Variants in LYPD6 observed in about 807,000 individuals in gnomAD.
LYPD6 encodes LY6/PLAUR domain containing 6.
In LYPD6, 15 loss-of-function variants were observed where a neutral mutation model predicts 22.7. The ratio of observed to expected loss-of-function variants is 0.66; its 90% CI spans 0.44 to 1.02. The LOEUF is 1.02. Ranked by LOEUF, LYPD6 falls within the 50% of genes least tolerant of loss-of-function variation. LYPD6 has a pLI of 0.00. For synonymous variants in LYPD6, 72 were observed against 77.5 expected (o/e 0.93, Z 0.37); for missense variants, 189 against 208.4 (o/e 0.91, Z 0.57).
chr2:149,472,458 C>T lies in LYPD6; in HGVS notation c.*1608C>T, dbSNP rs1446392203. 6.6e-6 allele frequency: 1 copy of T among 152,586 alleles called. No individual in the cohort carries two copies. The highest frequency in any genetic ancestry group is 1.5e-5 in the Non-Finnish European group (1 of 68,034). The allele number at this position is 152,586 out of a possible 1,614,324, so 9.5% of individuals were successfully genotyped here. ...TAAAGAGGACAGTGTTGTCAGGGTCCATCTGCCCTCCATAGAAAAATGTCT... is the reference window on the plus strand; with the variant it reads ...TAAAGAGGACAGTGTTGTCAGGGTCTATCTGCCCTCCATAGAAAAATGTCT... On this transcript the variant is annotated 3_prime_UTR_variant, in exon 5 of 5. Transcript: ENST00000334166.
the LYPD6 span, among the ~76,000 whole-genome samples, chr2:149,485,563 A>G: frequency 6.6e-6 from 1 of 152,104 alleles, no homozygotes; most frequent in Non-Finnish European, 1.5e-5. Flanking sequence ...AGCTGTCAGC[A>G]TATGTGGACC....
chr2:149,451,833 A>G (rs1280242635), intron 3 of LYPD6, among the ~76,000 whole-genome samples: 2 of 152,206 alleles, frequency 1.3e-5, no homozygotes, highest in Non-Finnish European at 2.9e-5. Flanking sequence ...GGGAATTACA[A>G]AGTGAAAGAT....
intron 1 of LYPD6, among the ~76,000 whole-genome samples, chr2:149,400,352 A>C (rs1682525788): frequency 6.6e-6 from 1 of 152,190 alleles, no homozygotes; most frequent in African/African-American, 2.4e-5. Flanking sequence ...TACCTAGCAA[A>C]CGGAAAGCAA....
chr2:149,374,020 T>C (rs1168786606), intron 1 of LYPD6, among the ~76,000 whole-genome samples: 1 of 152,164 alleles, frequency 6.6e-6, no homozygotes, highest in Non-Finnish European at 1.5e-5. Context: ...AACTGCATGA[T>C]AATTGATTCA....
At chr2:149,352,289 G>A (rs1159859601) in intron 1 of LYPD6, among the ~76,000 whole-genome samples, 1 of 152,148 alleles carries the variant, frequency 6.6e-6, no homozygotes, top group Non-Finnish European at 1.5e-5. Context: ...TACTCTCTGG[G>A]GCTCCGGAAG....
chr2:149,425,546 CA>C (rs1429978628), intron 1 of LYPD6, among the ~76,000 whole-genome samples: 2 of 152,124 alleles, frequency 1.3e-5, no homozygotes, highest in Non-Finnish European at 2.9e-5. Flanking sequence ...GATGCAAAAA[CA>C]AAAATGTTCT....
At chr2:149,342,840 A>G (rs1681187528) in intron 1 of LYPD6, among the ~76,000 whole-genome samples, 1 of 152,182 alleles carries the variant, frequency 6.6e-6, no homozygotes, top group African/African-American at 2.4e-5. Context: ...TAAATGACTC[A>G]GGTTTGAACT....
At chr2:149,435,191 C>T (rs1683403073) in intron 1 of LYPD6, among the ~76,000 whole-genome samples, 1 of 152,188 alleles carries the variant, frequency 6.6e-6, no homozygotes, top group African/African-American at 2.4e-5. Flanking sequence ...GCCTTGCCGA[C>T]ACCTTGATCT....
At chr2:149,347,419 C>G (rs1406857064) in intron 1 of LYPD6, among the ~76,000 whole-genome samples, 1 of 152,126 alleles carries the variant, frequency 6.6e-6, no homozygotes, top group African/African-American at 2.4e-5. Context: ...GGCTCCTCAT[C>G]TCTCTCTGGC....
At chr2:149,411,455 G>T (rs1029335827) in intron 1 of LYPD6, among the ~76,000 whole-genome samples, 1 of 152,014 alleles carries the variant, frequency 6.6e-6, no homozygotes, top group Admixed American at 6.5e-5. Context: ...CATTTGCCTG[G>T]GCTTTTTATT....
At chr2:149,442,309 A>T (rs1324763005) in intron 2 of LYPD6, among the ~76,000 whole-genome samples, 1 of 152,174 alleles carries the variant, frequency 6.6e-6, no homozygotes, top group African/African-American at 2.4e-5. Context: ...GTTCCAAGAG[A>T]TGGAAACAAA....
At chr2:149,438,870 T>G (rs1192147293) in intron 2 of LYPD6, among the ~76,000 whole-genome samples, 1 of 152,210 alleles carries the variant, frequency 6.6e-6, no homozygotes, top group Non-Finnish European at 1.5e-5. Flanking sequence ...CTTTGTGGCC[T>G]TTTGACTTAA....
chr2:149,477,483 C>T (rs539753790), downstream of LYPD6, among the ~76,000 whole-genome samples: 28 of 152,042 alleles, frequency 1.8e-4, no homozygotes, highest in East Asian at 1.2e-3. Flanking sequence ...ATTAGCCAGA[C>T]GTGGTGGCAC....
At chr2:149,476,772 C>A (rs967534959), downstream of LYPD6, among the ~76,000 whole-genome samples, 1 of 152,176 alleles carries the variant, frequency 6.6e-6, no homozygotes, top group African/African-American at 2.4e-5. Context: ...GGAATTTGCA[C>A]CCGGAGTCTG....
chr2:149,427,565 C>T (rs1683211904), intron 1 of LYPD6, among the ~76,000 whole-genome samples: 1 of 152,188 alleles, frequency 6.6e-6, no homozygotes, highest in African/African-American at 2.4e-5. Flanking sequence ...AGCACACAGC[C>T]AACAAGCTGA....
chr2:149,398,058 T>A (rs1335357083), intron 1 of LYPD6, among the ~76,000 whole-genome samples: 1 of 152,188 alleles, frequency 6.6e-6, no homozygotes, highest in Admixed American at 6.5e-5. Flanking sequence ...CATTACAAGA[T>A]AAACATGTAA....
chr2:149,437,903 G>T, intron 2 of LYPD6, 77 bp downstream of exon 2: 2 of 1,521,594 alleles, frequency 1.3e-6, no homozygotes, highest in East Asian at 2.3e-5. Flanking sequence ...CCAGGAAAAG[G>T]CATCCTTCAG....
Position 149,411,078 on chromosome 2 carries a change from C to T in LYPD6, c.-71-26560C>T, listed in dbSNP as rs375290629. On this transcript the variant is annotated intron_variant, in intron 1 of 4. Transcript: ENST00000334166. ...TGGTCTAAGGTCCAAAGTGTGGTGC[C>T]AGATCAGCAACATCAGCATCATCTA... Among the ~76,000 whole-genome samples the T allele has an allele frequency of 7.2e-4, 110 of 152,190 alleles. 1 individual carries two copies. In the South Asian group the frequency reaches 0.022, roughly 30 times the overall value.
At chr2:149,369,403 T>C (rs1196713) in intron 1 of LYPD6, among the ~76,000 whole-genome samples, 151,966 of 152,256 alleles carry the variant, frequency 1, 75,838 homozygotes, top group Middle Eastern at 1. Context: ...TCTGTGTGGG[T>C]GACATACCCA....
Sources: gnomAD v4.1 joint callset for allele counts (sites outside exome capture counted in the v4.1 genomes callset) on GRCh38, gnomAD v4.1.1 for gene constraint, MANE v1.5 for transcripts, NCBI Gene and HGNC (gene_info 2026-07-23, HGNC 2026-07-21) for gene names.